The following LMO7 variants were observed in gnomAD, a reference collection of about 807,000 sequenced individuals.
The protein encoded by LMO7 is LIM domain 7.
A neutral mutation model predicts 206.5 loss-of-function variants in LMO7; 120 were observed. The observed-to-expected ratio is 0.58, with a 90% CI of 0.50 to 0.68. LMO7 has a LOEUF of 0.68. Among genes scored for constraint, LMO7 ranks in the 30% least tolerant of loss-of-function variants. The pLI is 0.00. For missense variants in LMO7, 1,959 were observed against 1,957.9 expected, an observed-to-expected ratio of 1.00 and a Z score of -0.01; for synonymous variants, 706 against 681.5, an observed-to-expected ratio of 1.04 and a Z score of -0.56.
intron 1 of LMO7, among the ~76,000 whole-genome samples, chr13:75,673,223 A>G (rs1260209614): frequency 6.6e-6 from 1 of 152,042 alleles, no homozygotes; most frequent in African/African-American, 2.4e-5. Context: ...CTTTTTTTTC[A>G]TGATCTACTG....
chr13:75,807,757 G>T lies in LMO7; in HGVS notation c.1474G>T (p.Asp492Tyr), dbSNP rs1274196545. 6.2e-7 allele frequency: 1 copy of T among 1,613,962 alleles called. No homozygotes were observed. The highest frequency in any genetic ancestry group is 8.5e-7 in the Non-Finnish European group (1 of 1,179,878). ...CTTTAGAAAGTTCTCTGAGCAAGAT[G>T]ATTCTGTAGAGCGAGATATAATTTT... ...EDFRKFSEQD[D>Y]SVERDIILQC... is the part of the protein sequence containing the mutation. The change falls in exon 10 of 31, where the codon GAT (aspartate) becomes TAT (tyrosine). Residue 492 changes from aspartate (D) to tyrosine (Y), a missense_variant. By Grantham distance (160) the Asp-to-Tyr change is radical. Transcript: ENST00000377534.
chr13:75,797,039 C>T (rs17065058), intron 6 of LMO7, among the ~76,000 whole-genome samples: 1,557 of 152,292 alleles, frequency 0.01, 30 homozygotes, highest in African/African-American at 0.033. Context: ...TGGCTTCCTT[C>T]CTTACACACT....
rs2057110329 is a variant in LMO7 at position 75,817,298 on chromosome 13, G to A, written c.2064+20G>A. On this transcript the variant is annotated intron_variant, in intron 12 of 30. Coordinates refer to ENST00000377534, the MANE Select transcript of LMO7 (RefSeq NM_001306080.2). ...CAGGATGTGAGTATTTTGGGGATTG[G>A]AGGGGAGAGAGTGTATTTGTCTAAC... is the stretch of plus-strand genomic sequence containing the variant. 1 of 1,444,930 alleles carries A rather than the reference G, an allele frequency of 6.9e-7. No homozygotes were observed. The allele number at this position is 1,444,930 out of a possible 1,614,324, so 89.5% of individuals were successfully genotyped here.
chr13:75,674,721 A>G (rs1168512765), intron 1 of LMO7, among the ~76,000 whole-genome samples: 2 of 152,232 alleles, frequency 1.3e-5, no homozygotes, highest in African/African-American at 2.4e-5. Context: ...TTGGGAATAC[A>G]CAAAATTACA....
intron 1 of LMO7, among the ~76,000 whole-genome samples, chr13:75,681,170 A>T (rs1210384628): frequency 6.6e-6 from 1 of 151,992 alleles, no homozygotes; most frequent in Non-Finnish European, 1.5e-5. Context: ...GTTTAATTAG[A>T]TCCCATTTGC....
intron 1 of LMO7, among the ~76,000 whole-genome samples, chr13:75,696,263 G>A (rs2041894400): frequency 6.6e-6 from 1 of 152,162 alleles, no homozygotes; most frequent in African/African-American, 2.4e-5. Context: ...GCTGAGGCAG[G>A]AGAATGGCTT....
At chr13:75,673,655 T>A (rs2139411606) in intron 1 of LMO7, among the ~76,000 whole-genome samples, 1 of 152,340 alleles carries the variant, frequency 6.6e-6, no homozygotes, top group East Asian at 1.9e-4. Flanking sequence ...CAAGCCACTT[T>A]TAACTAGGTT....
At chr13:75,737,676 C>G (rs1248285160) in intron 3 of LMO7, among the ~76,000 whole-genome samples, 2 of 132,982 alleles carry the variant, frequency 1.5e-5, no homozygotes, top group East Asian at 4.7e-4. Context: ...TGGCGTGAAC[C>G]TGGGAGGCGG....
intron 17 of LMO7, 55 bp from the exon 18 acceptor site, chr13:75,835,178 C>A: frequency 1.9e-6 from 3 of 1,599,604 alleles, no homozygotes; most frequent in Middle Eastern, 1.7e-4. Flanking sequence ...ACCTTCCCTG[C>A]CATTTATACG....
At chr13:75,759,092 A>C (rs1158151907) in intron 3 of LMO7, among the ~76,000 whole-genome samples, 1 of 152,176 alleles carries the variant, frequency 6.6e-6, no homozygotes, top group African/African-American at 2.4e-5. Context: ...GGTGAGAGAG[A>C]GCGAAGGGGG....
At chr13:75,737,634 T>C (rs1433201937) in intron 3 of LMO7, among the ~76,000 whole-genome samples, 1 of 144,486 alleles carries the variant, frequency 6.9e-6, no homozygotes, top group Non-Finnish European at 1.5e-5. Flanking sequence ...GCGCCTGTAG[T>C]CCCAGCTACT....
intron 2 of LMO7, among the ~76,000 whole-genome samples, chr13:75,625,427 A>ATGTG (rs59334649): frequency 6.8e-5 from 7 of 103,676 alleles, no homozygotes; most frequent in African/African-American, 2.8e-4. Context: ...GTGTGTGTGC[A>ATGTG]TGTGTGTGTG....
chr13:75,665,104 G>A (rs2038965291), intron 1 of LMO7, among the ~76,000 whole-genome samples: 2 of 152,178 alleles, frequency 1.3e-5, no homozygotes, highest in South Asian at 4.1e-4. Context: ...GTTTATTTTT[G>A]AGAAAATTAT....
At chr13:75,746,731 A>G (rs1023852200) in intron 3 of LMO7, among the ~76,000 whole-genome samples, 1 of 151,704 alleles carries the variant, frequency 6.6e-6, no homozygotes, top group Non-Finnish European at 1.5e-5. Context: ...TATTTTATTC[A>G]TTTTTATTAC....
chr13:75,694,052 A>G (rs919473083), intron 1 of LMO7, among the ~76,000 whole-genome samples: 3 of 152,204 alleles, frequency 2.0e-5, no homozygotes, highest in African/African-American at 7.2e-5. Context: ...ACTGTCATGC[A>G]TGTCATACAG....
At chr13:75,645,928 T>A (rs1007003868) in intron 1 of LMO7, among the ~76,000 whole-genome samples, 2 of 152,206 alleles carry the variant, frequency 1.3e-5, no homozygotes, top group Non-Finnish European at 2.9e-5. Context: ...TTCATATATC[T>A]TCTCCACGCT....
At chr13:75,777,056 G>C (rs1003664881) in intron 4 of LMO7, among the ~76,000 whole-genome samples, 2 of 152,218 alleles carry the variant, frequency 1.3e-5, no homozygotes, top group African/African-American at 4.8e-5. Flanking sequence ...AGCTAAGATG[G>C]AGATGTGGAT....
intron 1 of LMO7, among the ~76,000 whole-genome samples, chr13:75,639,824 G>A (rs1290415395): frequency 6.6e-6 from 1 of 152,190 alleles, no homozygotes; most frequent in Non-Finnish European, 1.5e-5. Context: ...GAGCAGAACA[G>A]GCTAACTTAA....
At chr13:75,670,301 T>G (rs1293175595) in intron 1 of LMO7, among the ~76,000 whole-genome samples, 2 of 152,236 alleles carry the variant, frequency 1.3e-5, no homozygotes, top group African/African-American at 4.8e-5. Context: ...TCATTCCTAT[T>G]GCTTCTTTTA....
Sources: gnomAD v4.1 joint callset for allele counts (sites outside exome capture counted in the v4.1 genomes callset) on GRCh38, gnomAD v4.1.1 for gene constraint, MANE v1.5 for transcripts, NCBI Gene and HGNC (gene_info 2026-07-23, HGNC 2026-07-21) for gene names.